The following KRABD3 variants were observed in gnomAD, a reference collection of about 807,000 sequenced individuals.
The protein encoded by KRABD3 is KRAB domain-containing protein 3.
the KRABD3 span, chr7:149,728,774 G>A: frequency 7.4e-7 from 1 of 1,352,074 alleles, no homozygotes; most frequent in South Asian, 1.4e-5. Context: ...GAGCCAACAT[G>A]GTGCTCTGGA....
chr7:149,724,934 G>T, the KRABD3 span: 760 of 1,191,030 alleles, frequency 6.4e-4, 8 homozygotes, highest in East Asian at 0.018. Flanking sequence ...CAGGGAAGCA[G>T]CTCTCAGCAG....
the KRABD3 span, among the ~76,000 whole-genome samples, chr7:149,715,541 T>C: frequency 2.0e-5 from 3 of 151,844 alleles, no homozygotes; most frequent in Non-Finnish European, 4.4e-5. Context: ...TTGGGCTAGG[T>C]TGTGTGTGGG....
At chr7:149,728,737 T>A in the KRABD3 span, 2 of 1,548,754 alleles carry the variant, frequency 1.3e-6, no homozygotes, top group Non-Finnish European at 1.8e-6. Flanking sequence ...CCCTAGGCGC[T>A]GCACCTGTGG....
chr7:149,715,958 A>T, the KRABD3 span, among the ~76,000 whole-genome samples: 28 of 152,268 alleles, frequency 1.8e-4, no homozygotes, highest in African/African-American at 6.5e-4. Flanking sequence ...TAAAGTGAGG[A>T]GTTTGGGCCA....
chr7:149,733,810 A>T, the KRABD3 span: 1 of 1,604,530 alleles, frequency 6.2e-7, no homozygotes, highest in Non-Finnish European at 8.5e-7. Flanking sequence ...CCCTCCTCGC[A>T]CATACCGGGG....
chr7:149,720,554 G>A, the KRABD3 span, among the ~76,000 whole-genome samples: 3 of 152,354 alleles, frequency 2.0e-5, no homozygotes, highest in South Asian at 6.2e-4. Context: ...TGTAGCGGCA[G>A]CCCGCCTGGG....
chr7:149,733,585 GA>G, the KRABD3 span: 6 of 1,599,292 alleles, frequency 3.8e-6, no homozygotes, highest in Non-Finnish European at 5.1e-6. Flanking sequence ...ACTGGAGGCA[GA>G]AGGGACCCAC....
At chr7:149,720,170 G>C in the KRABD3 span, 2 of 1,548,546 alleles carry the variant, frequency 1.3e-6, no homozygotes, top group Non-Finnish European at 1.7e-6. Context: ...CCCACTCATC[G>C]GTCCTCAGCC....
At chr7:149,728,035 G>GCACAGCTGT in the KRABD3 span, among the ~76,000 whole-genome samples, 1 of 152,234 alleles carries the variant, frequency 6.6e-6, no homozygotes, top group East Asian at 1.9e-4. Flanking sequence ...CCTGTTACTC[G>GCACAGCTGT]CACAGCTGTC....
chr7:149,732,499 G>A, the KRABD3 span, among the ~76,000 whole-genome samples: 2 of 152,196 alleles, frequency 1.3e-5, no homozygotes, highest in Non-Finnish European at 2.9e-5. This position sits in a 1 kb window ranked among gnomAD's most constrained non-coding sequence, Gnocchi z 4.0. Flanking sequence ...CTCTGCGCCC[G>A]GCCTGGGGCT....
At chr7:149,727,716 T>G in the KRABD3 span, among the ~76,000 whole-genome samples, 1 of 152,250 alleles carries the variant, frequency 6.6e-6, no homozygotes, top group Non-Finnish European at 1.5e-5. Context: ...TAACCCAAAC[T>G]GCAGGATATT....
the KRABD3 span, chr7:149,715,011 C>A: frequency 8.2e-7 from 1 of 1,225,700 alleles, no homozygotes; most frequent in East Asian, 3.2e-5. Flanking sequence ...CGCGCCAGGG[C>A]CCGCGCCGGA....
At chr7:149,718,501 T>TGG in the KRABD3 span, among the ~76,000 whole-genome samples, 1 of 147,792 alleles carries the variant, frequency 6.8e-6, no homozygotes, top group Non-Finnish European at 1.5e-5. Context: ...CACTTTAAAG[T>TGG]CCACTGAAGG....
chr7:149,727,813 T>C, the KRABD3 span, among the ~76,000 whole-genome samples: 1 of 152,256 alleles, frequency 6.6e-6, no homozygotes, highest in South Asian at 2.1e-4. Flanking sequence ...AGAAAATGCA[T>C]GTGGGGGTCC....
the KRABD3 span, chr7:149,720,804 G>T: frequency 6.4e-7 from 1 of 1,555,990 alleles, no homozygotes; most frequent in Non-Finnish European, 8.7e-7. Flanking sequence ...AGCCGCAGGG[G>T]TGCGGGGGGG....
the KRABD3 span, among the ~76,000 whole-genome samples, chr7:149,718,517 T>C: frequency 1.4e-5 from 2 of 141,406 alleles, no homozygotes; most frequent in Admixed American, 1.4e-4. Context: ...GAAGGACTTT[T>C]TTTTTTTTTT....
chr7:149,722,065 C>T, the KRABD3 span: 7 of 399,872 alleles, frequency 1.8e-5, no homozygotes, highest in African/African-American at 1.0e-4. Context: ...GTGGTTTCAT[C>T]TGGTGTTCAG....
the KRABD3 span, chr7:149,724,638 G>A: frequency 2.0e-6 from 3 of 1,502,598 alleles, no homozygotes; most frequent in African/African-American, 1.4e-5. Context: ...CTTCCCAATG[G>A]CCTCCTCCCG....
chr7:149,732,859 T>C, the KRABD3 span, among the ~76,000 whole-genome samples: 1 of 151,920 alleles, frequency 6.6e-6, no homozygotes, highest in Non-Finnish European at 1.5e-5. This position sits in a 1 kb window ranked among gnomAD's most constrained non-coding sequence, Gnocchi z 4.0. Context: ...TCTGGACCCT[T>C]CTCACTGACT....
Sources: gnomAD v4.1 joint callset for allele counts (sites outside exome capture counted in the v4.1 genomes callset) on GRCh38, gnomAD v4.1.1 for gene constraint, Gnocchi (gnomAD v3.1) non-coding constraint, MANE v1.5 for transcripts, NCBI Gene and HGNC (gene_info 2026-07-23, HGNC 2026-07-21) for gene names.